The following PDCD6 variants were observed in gnomAD, a reference collection of about 807,000 sequenced individuals.
The protein encoded by PDCD6 is programmed cell death protein 6.
Under a neutral mutation model 28.3 loss-of-function variants are expected in PDCD6, and 12 were observed. The observed-to-expected ratio is 0.42, with a 90% confidence interval of 0.27 to 0.69. The LOEUF (loss-of-function observed/expected upper bound fraction) is 0.69. Ranked by LOEUF, PDCD6 falls within the 30% of genes least tolerant of loss-of-function variation. The probability of loss-of-function intolerance (pLI) is 0.22; values close to 1 mark genes in which losing one functional copy is unlikely to be tolerated. For synonymous variants in PDCD6, 92 were observed against 108.0 expected (o/e 0.85, Z 0.92); for missense variants, 226 against 269.9 (o/e 0.84, Z 1.14).
intron 2 of PDCD6, among the ~76,000 whole-genome samples, chr5:294,781 G>C (rs529888842): frequency 2.0e-5 from 3 of 152,212 alleles, no homozygotes; most frequent in Admixed American, 1.3e-4. Flanking sequence ...ATAACTGGAA[G>C]AAAACAAAAT....
In PDCD6 at chr5:289,800, T is replaced by C. The variant is rs546942651; in HGVS notation, c.164-14377T>C. On this transcript the variant is annotated intron_variant, in intron 2 of 5. Coordinates refer to ENST00000264933, the MANE Select transcript of PDCD6 (RefSeq NM_013232.4). ...AAGAAACCTTTGGTCGATTACGTGG[T>C]CTGGGTGTCCCAGGCCCATTTACAT... 1,008 of 1,152,830 alleles carry C rather than the reference T, an allele frequency of 8.7e-4. 2 individuals carry two copies. The highest frequency in any genetic ancestry group is 2.1e-3 in the Admixed American group (125 of 59,440). The allele number at this position is 1,152,830 out of a possible 1,614,324, so 71.4% of individuals were successfully genotyped here. A position where few individuals can be genotyped will look rare whatever the true frequency, so the allele number is the denominator to read the frequency against.
chr5:295,394 G>T (rs1739548521), intron 2 of PDCD6, among the ~76,000 whole-genome samples: 1 of 151,900 alleles, frequency 6.6e-6, no homozygotes, highest in Admixed American at 6.6e-5. Context: ...AAGCGGCAGG[G>T]TGGAAATAAT....
chr5:279,576 C>T (rs1738433339), intron 2 of PDCD6, among the ~76,000 whole-genome samples: 1 of 151,960 alleles, frequency 6.6e-6, no homozygotes, highest in African/African-American at 2.4e-5. Flanking sequence ...AGGGGCGTGT[C>T]ATGTGCCTCA....
At chr5:290,004 C>A in intron 2 of PDCD6, 1 of 1,601,906 alleles carries the variant, frequency 6.2e-7, no homozygotes. Flanking sequence ...GATCTGTTAA[C>A]AATTCACATA....
At chr5:276,712 A>G in intron 2 of PDCD6, 2 of 984,394 alleles carry the variant, frequency 2.0e-6, no homozygotes, top group South Asian at 4.7e-5. Flanking sequence ...CTGAAGCTAC[A>G]AAATGGCCTG....
At chr5:288,673 T>G (rs2126715936) in intron 2 of PDCD6, among the ~76,000 whole-genome samples, 1 of 152,210 alleles carries the variant, frequency 6.6e-6, no homozygotes, top group African/African-American at 2.4e-5. Flanking sequence ...TTCACAGTTC[T>G]TACGTGTACA....
chr5:276,133 A>C (rs1180340417), intron 2 of PDCD6: 1 of 929,468 alleles, frequency 1.1e-6, no homozygotes, highest in Admixed American at 2.5e-5. Flanking sequence ...GGAGGCTGAG[A>C]TGGGAAGATC....
intron 4 of PDCD6, 123 bp from the exon 5 acceptor site, chr5:311,170 C>A: frequency 2.7e-6 from 2 of 733,786 alleles, no homozygotes; most frequent in Non-Finnish European, 4.8e-6. Flanking sequence ...TTTGCACTTC[C>A]GTTCCCACAC....
intron 2 of PDCD6, among the ~76,000 whole-genome samples, chr5:280,029 A>T (rs985498883): frequency 6.9e-6 from 1 of 145,704 alleles, no homozygotes; most frequent in Non-Finnish European, 1.5e-5. Context: ...TTCAGTGGAG[A>T]CTCCAAGGAC....
intron 2 of PDCD6, among the ~76,000 whole-genome samples, chr5:296,796 C>T (rs1269886801): frequency 6.6e-6 from 1 of 152,112 alleles, no homozygotes; most frequent in African/African-American, 2.4e-5. Context: ...GTCGAGGCCC[C>T]TCTTTGCTTC....
intron 2 of PDCD6, among the ~76,000 whole-genome samples, chr5:284,906 C>T (rs1432965419): frequency 1.4e-5 from 2 of 138,650 alleles, no homozygotes; most frequent in Non-Finnish European, 3.1e-5. Flanking sequence ...GAGGGTCTTG[C>T]AGCTGGAGAC....
At chr5:288,488 C>A (rs1739121787) in intron 2 of PDCD6, among the ~76,000 whole-genome samples, 1 of 151,040 alleles carries the variant, frequency 6.6e-6, no homozygotes, top group South Asian at 2.1e-4. Context: ...TATGTATAAA[C>A]TAAATGTGAT....
At chr5:280,750 G>T (rs1283991531) in intron 2 of PDCD6, among the ~76,000 whole-genome samples, 3 of 149,458 alleles carry the variant, frequency 2.0e-5, no homozygotes, top group Non-Finnish European at 4.4e-5. Flanking sequence ...TGGCATTTAA[G>T]AGGGGAGTCC....
At chr5:278,291 A>G (rs993500484) in intron 2 of PDCD6, among the ~76,000 whole-genome samples, 5 of 151,974 alleles carry the variant, frequency 3.3e-5, no homozygotes, top group African/African-American at 1.2e-4. Context: ...CTGTCCAGGC[A>G]CTGGGGATAG....
rs1416726216 is a variant in PDCD6 at position 312,882 on chromosome 5, TCAGA to T, written c.477+1481_477+1484del. On this transcript the variant is annotated intron_variant, in intron 5 of 5. Coordinates refer to ENST00000264933, the MANE Select transcript of PDCD6 (RefSeq NM_013232.4). The stretch of plus-strand genomic sequence containing the variant: ...TTCTGTGTCTGAATTGCCGTAGGGC[TCAGA>T]TCTTCATTTGAGGTTCTGTGTCTGA... Among the ~76,000 whole-genome samples, 536 of 110,004 alleles carry T rather than the reference TCAGA, an allele frequency of 4.9e-3. 3 individuals are homozygous for T. The highest frequency in any genetic ancestry group is 0.043 in the African/African-American group (510 of 11,726). The allele number at this position is 110,004 out of a possible 152,430, so 72.2% of individuals were successfully genotyped here. A position where few individuals can be genotyped will look rare whatever the true frequency, so the allele number is the denominator to read the frequency against.
At chr5:296,268 C>A (rs2126732338) in intron 2 of PDCD6, among the ~76,000 whole-genome samples, 1 of 152,262 alleles carries the variant, frequency 6.6e-6, no homozygotes, top group South Asian at 2.1e-4. Context: ...CAGATAAGGC[C>A]CAGAATCCAG....
intron 2 of PDCD6, chr5:289,114 T>G: frequency 8.5e-7 from 1 of 1,182,550 alleles, no homozygotes; most frequent in East Asian, 2.4e-5. Flanking sequence ...TTTTCTTGAT[T>G]TTTTCTTTCC....
chr5:289,250 A>C (rs1292918242), intron 2 of PDCD6: 1 of 582,402 alleles, frequency 1.7e-6, no homozygotes, highest in Non-Finnish European at 3.0e-6. Flanking sequence ...AATTCAAATC[A>C]CATTCCCTGA....
At chr5:296,977 C>T (rs866518962) in intron 2 of PDCD6, among the ~76,000 whole-genome samples, 2,116 of 134,314 alleles carry the variant, frequency 0.016, no homozygotes, top group African/African-American at 0.033. Flanking sequence ...CGACCCCCCA[C>T]GCACACCGTG....
Sources: allele counts gnomAD v4.1 joint callset (sites outside exome capture counted in the v4.1 genomes callset), GRCh38; gene constraint gnomAD v4.1.1; transcripts MANE v1.5; gene names NCBI Gene and HGNC (gene_info 2026-07-23, HGNC 2026-07-21).